The following FBXL7 variants were observed in gnomAD, a reference collection of about 807,000 sequenced individuals.
FBXL7 encodes the protein F-box and leucine rich repeat protein 7, also known as F-box/LRR-repeat protein 7.
FBXL7 carries 12 observed loss-of-function variants against 38.3 expected under a neutral mutation model. The ratio of observed to expected loss-of-function variants is 0.31; its 90% CI spans 0.20 to 0.51. FBXL7 has a LOEUF of 0.51. Ranked by LOEUF, FBXL7 falls within the 20% of genes least tolerant of loss-of-function variation. The pLI is 0.98. For synonymous variants in FBXL7, 297 were observed against 300.9 expected, an observed-to-expected ratio of 0.99 and a Z score of 0.13; for missense variants, 567 against 676.4, an observed-to-expected ratio of 0.84 and a Z score of 1.79.
At chr5:15,833,862 AT>A (rs1738520898) in intron 2 of FBXL7, among the ~76,000 whole-genome samples, 1 of 152,206 alleles carries the variant, frequency 6.6e-6, no homozygotes, top group South Asian at 2.1e-4. Flanking sequence ...TCGTGATGAT[AT>A]TGACTACTTT....
intron 2 of FBXL7, among the ~76,000 whole-genome samples, chr5:15,647,099 A>G (rs1346258777): frequency 1.3e-5 from 2 of 152,246 alleles, no homozygotes; most frequent in Non-Finnish European, 2.9e-5. Context: ...GAAGAAAGCA[A>G]GACTGCAATA....
At chr5:15,677,645 A>G (rs1395889035) in intron 2 of FBXL7, among the ~76,000 whole-genome samples, 8 of 149,932 alleles carry the variant, frequency 5.3e-5, no homozygotes, top group Non-Finnish European at 7.5e-5. Context: ...TTCTCAGTGA[A>G]ATCTTTTTTA....
chr5:15,737,378 A>G (rs950967539), intron 2 of FBXL7, among the ~76,000 whole-genome samples: 7 of 152,218 alleles, frequency 4.6e-5, no homozygotes, highest in Admixed American at 2.0e-4. Flanking sequence ...AAGTGACTTC[A>G]GATCTATAAA....
chr5:15,658,133 G>A (rs1209664170), intron 2 of FBXL7, among the ~76,000 whole-genome samples: 4 of 152,170 alleles, frequency 2.6e-5, no homozygotes, highest in Admixed American at 2.6e-4. Context: ...GACACTGGGG[G>A]TTTGGAAGGA....
At chr5:15,642,064 G>T (rs548260927) in intron 2 of FBXL7, among the ~76,000 whole-genome samples, 1 of 151,902 alleles carries the variant, frequency 6.6e-6, no homozygotes, top group African/African-American at 2.4e-5. Flanking sequence ...TTAGGATTCA[G>T]TGAGACTTTA....
At chr5:15,915,051 A>T (rs1166782455) in intron 2 of FBXL7, among the ~76,000 whole-genome samples, 1 of 152,232 alleles carries the variant, frequency 6.6e-6, no homozygotes, top group East Asian at 1.9e-4. Flanking sequence ...CTGAAAATTC[A>T]TCAGTTAATC....
At chr5:15,588,976 G>GCTA in intron 1 of FBXL7, among the ~76,000 whole-genome samples, 1 of 152,222 alleles carries the variant, frequency 6.6e-6, no homozygotes, top group Non-Finnish European at 1.5e-5. Context: ...AAATCAGTGA[G>GCTA]CTACTGTGGA....
chr5:15,644,304 C>CAAAAAAAAAAAAAAAAAAA (rs369213583), intron 2 of FBXL7, among the ~76,000 whole-genome samples: 1 of 94,808 alleles, frequency 1.1e-5, no homozygotes, highest in Non-Finnish European at 2.1e-5. Flanking sequence ...ACTAAAAATC[C>CAAAAAAAAAAAAAAAAAAA]AAAAAAAAAA....
At chr5:15,766,247 G>A (rs1736588517) in intron 2 of FBXL7, among the ~76,000 whole-genome samples, 1 of 151,632 alleles carries the variant, frequency 6.6e-6, no homozygotes, top group South Asian at 2.1e-4. Flanking sequence ...CATCCCAAAG[G>A]CAGAGTTTGG....
At chr5:15,714,236 G>A (rs1366003734) in intron 2 of FBXL7, among the ~76,000 whole-genome samples, 1 of 152,126 alleles carries the variant, frequency 6.6e-6, no homozygotes, top group East Asian at 1.9e-4. Flanking sequence ...AATAGTGAGC[G>A]AGCTCTCATG....
At chr5:15,715,414 C>G (rs1744014916) in intron 2 of FBXL7, among the ~76,000 whole-genome samples, 1 of 147,414 alleles carries the variant, frequency 6.8e-6, no homozygotes, top group Admixed American at 6.9e-5. Flanking sequence ...TCGCTTGAAC[C>G]TGGGAGTCGG....
chr5:15,626,685 A>G (rs1312401526), intron 2 of FBXL7, among the ~76,000 whole-genome samples: 2 of 152,136 alleles, frequency 1.3e-5, no homozygotes, highest in Non-Finnish European at 2.9e-5. Context: ...GGTATTTAAT[A>G]TTCTAATTCC....
intron 2 of FBXL7, among the ~76,000 whole-genome samples, chr5:15,838,578 C>T (rs1215009295): frequency 3.3e-5 from 5 of 152,214 alleles, no homozygotes. Context: ...GGATATTGAG[C>T]ATCCTCGTTG....
intron 2 of FBXL7, among the ~76,000 whole-genome samples, chr5:15,776,085 G>A (rs1273283060): frequency 1.3e-5 from 2 of 152,100 alleles, no homozygotes; most frequent in East Asian, 1.9e-4. Flanking sequence ...AAAAATAATA[G>A]TGATAATAAT....
intron 2 of FBXL7, among the ~76,000 whole-genome samples, chr5:15,874,199 G>T (rs192457434): frequency 6.6e-6 from 1 of 152,248 alleles, no homozygotes; most frequent in Non-Finnish European, 1.5e-5. Flanking sequence ...TGCAGAAAAA[G>T]CCTTTGACAA....
At chr5:15,822,201 A>G (rs929963095) in intron 2 of FBXL7, among the ~76,000 whole-genome samples, 17 of 151,734 alleles carry the variant, frequency 1.1e-4, no homozygotes, top group African/African-American at 3.1e-4. Context: ...AAATACAAAA[A>G]AAAAAAAAAA....
At chr5:15,839,328 C>T (rs1247417194) in intron 2 of FBXL7, among the ~76,000 whole-genome samples, 1 of 152,086 alleles carries the variant, frequency 6.6e-6, no homozygotes, top group Non-Finnish European at 1.5e-5. Flanking sequence ...ATCAAGGAGA[C>T]ACTCTCAAGT....
intron 2 of FBXL7, among the ~76,000 whole-genome samples, chr5:15,636,234 C>T (rs1214320580): frequency 1.3e-5 from 2 of 152,004 alleles, no homozygotes; most frequent in African/African-American, 2.4e-5. Context: ...TATATTACCA[C>T]ATACTGTATC....
chr5:15,829,793 G>T (rs367775387), intron 2 of FBXL7, among the ~76,000 whole-genome samples: 2 of 152,200 alleles, frequency 1.3e-5, no homozygotes, highest in South Asian at 2.1e-4. Context: ...TGAACATCAA[G>T]ATTTGCTTTT....
Sources: gnomAD v4.1 joint callset for allele counts (sites outside exome capture counted in the v4.1 genomes callset) on GRCh38, gnomAD v4.1.1 for gene constraint, MANE v1.5 for transcripts, NCBI Gene and HGNC (gene_info 2026-07-23, HGNC 2026-07-21) for gene names.